BTBD7: variants seen among roughly 807,000 people sequenced by gnomAD.
The protein encoded by BTBD7 is BTB domain containing 7, also known as BTB/POZ domain-containing protein 7.
Under a neutral mutation model 99.9 loss-of-function variants are expected in BTBD7, and 38 were observed. The ratio of observed to expected loss-of-function variants is 0.38; its 90% CI spans 0.29 to 0.50. The LOEUF (loss-of-function observed/expected upper bound fraction) is 0.50, where lower values mean the gene tolerates loss of function less well. BTBD7 is among the 20% of genes least tolerant of loss of function. The pLI is 0.93. For missense variants in BTBD7, 1,170 were observed against 1,394.6 expected, an observed-to-expected ratio of 0.84 and a Z score of 2.57; for synonymous variants, 520 against 511.4, an observed-to-expected ratio of 1.02 and a Z score of -0.23.
Position 93,240,479 on chromosome 14 carries a change from C to G in BTBD7, c.*1794G>C, listed in dbSNP as rs2052212250. 1 of 152,604 alleles carries G rather than the reference C, an allele frequency of 6.6e-6. No individual in the cohort carries two copies. The highest frequency in any genetic ancestry group is 2.4e-5 in the African/African-American group (1 of 41,438). The allele number at this position is 152,604 out of a possible 1,614,324, so 9.5% of individuals were successfully genotyped here. ...TTCAAAGTGCATGTAATTCATTTAC[C>G]CGGTAGCTCATAAACGCTCCCTAGC... On this transcript the variant is annotated 3_prime_UTR_variant, in exon 11 of 11. Transcript: ENST00000334746.
chr14:93,324,118 T>C (rs2053300623), intron 1 of BTBD7, among the ~76,000 whole-genome samples: 1 of 152,170 alleles, frequency 6.6e-6, no homozygotes, highest in Non-Finnish European at 1.5e-5. Flanking sequence ...TAACTTGATC[T>C]TGAAAAATAA....
chr14:93,301,899 C>T (rs1034476666), intron 1 of BTBD7, among the ~76,000 whole-genome samples: 1 of 152,084 alleles, frequency 6.6e-6, no homozygotes. Context: ...TGCTAGAGCG[C>T]AAGGGAGACA....
intron 1 of BTBD7, among the ~76,000 whole-genome samples, chr14:93,314,986 C>T (rs2053181929): frequency 1.3e-5 from 2 of 152,136 alleles, no homozygotes; most frequent in Admixed American, 1.3e-4. Context: ...GGAAAATATT[C>T]ATACGGGCCT....
rs1318519150 is a variant in BTBD7 at position 93,325,141 on chromosome 14, T to G, written c.-107+7679A>C. The stretch of plus-strand genomic sequence containing the variant: ...TTTTTTTTTTTTTTTTGAGACAGAG[T>G]CTAGCTCTATCACCCAGGCTGAAGT... On this transcript the variant is annotated intron_variant, in intron 1 of 10. Coordinates refer to ENST00000334746, the MANE Select transcript of BTBD7 (RefSeq NM_001002860.4). Among the ~76,000 whole-genome samples the G allele has an allele frequency of 4.7e-5, 6 of 128,066 alleles. No homozygotes were observed. The Admixed American group carries it at 4.7e-4, about 10-fold the overall frequency. 84.0% of individuals were successfully genotyped at this position (128,066 alleles called of 152,430 possible). A position where few individuals can be genotyped will look rare whatever the true frequency, so the allele number is the denominator to read the frequency against.
chr14:93,317,957 G>A (rs2053226048), intron 1 of BTBD7, among the ~76,000 whole-genome samples: 1 of 152,212 alleles, frequency 6.6e-6, no homozygotes, highest in South Asian at 2.1e-4. Context: ...ACAAGTCAAT[G>A]CATCCTACGC....
In BTBD7 at chr14:93,294,018, G is replaced by A. The variant is rs752829578; in HGVS notation, c.1002C>T (p.Thr334=). 61 of 1,613,742 alleles carry A rather than the reference G, an allele frequency of 3.8e-5. No homozygotes were observed. The highest frequency in any genetic ancestry group is 1.1e-4 in the South Asian group (10 of 91,070). ...YATVILHCMY[T]DVVDLSVLHC... ...GCAAAACAGAGAGGTCCACCACGTC[G>A]GTATACATACAGTGTAATATCACTG... Residue 334 remains threonine (T), a synonymous_variant, in exon 3 of 11, where the codon ACC becomes ACT. Coordinates refer to ENST00000334746, the MANE Select transcript of BTBD7 (RefSeq NM_001002860.4).
Position 93,251,583 on chromosome 14 carries a change from C to T in BTBD7, c.1822G>A (p.Val608Met). The T allele has an allele frequency of 6.2e-7, 1 of 1,613,968 alleles. No homozygotes were observed. The highest frequency in any genetic ancestry group is 8.5e-7 in the Non-Finnish European group (1 of 1,179,888). Residue 608 changes from valine (V) to methionine (M), a missense_variant, in exon 8 of 11, where the codon GTG (valine) becomes ATG (methionine). Coordinates refer to ENST00000334746, the MANE Select transcript of BTBD7 (RefSeq NM_001002860.4). ...TTGACCATGTAGAGCGTGTCTGGCA[C>T]ATTGGACATTCTAACCATTCGCAAG... ...VRLRMVRMSN[V>M]PDTLYMVNNA...
intron 1 of BTBD7, among the ~76,000 whole-genome samples, chr14:93,312,120 G>A (rs1417394798): frequency 6.6e-6 from 1 of 152,098 alleles, no homozygotes; most frequent in African/African-American, 2.4e-5. Context: ...TATGAGCAAT[G>A]CTGAAATTAA....
chr14:93,269,477 T>A (rs867603724), intron 3 of BTBD7, among the ~76,000 whole-genome samples: 2 of 152,264 alleles, frequency 1.3e-5, no homozygotes, highest in Middle Eastern at 3.4e-3. Flanking sequence ...GGTGACAAAG[T>A]GATCCTAACA....
chr14:93,273,804 T>TTGGGAACTGAC (rs1284894721), intron 3 of BTBD7, among the ~76,000 whole-genome samples: 40 of 152,316 alleles, frequency 2.6e-4, no homozygotes, highest in Admixed American at 1.9e-3. Flanking sequence ...CACAGTCTGA[T>TTGGGAACTGAC]TGGGAAAATA....
rs950375522 is a variant in BTBD7, at chr14:93,240,099, G to C, written c.*2174C>G. ...TATGAGTCAAACTTCTTACAAATGA[G>C]AACAGAGGCCTATGCTTTTCTCTTT... On this transcript the variant is annotated 3_prime_UTR_variant, in exon 11 of 11. Coordinates refer to ENST00000334746, the MANE Select transcript of BTBD7 (RefSeq NM_001002860.4). 6.6e-6 allele frequency: 1 copy of C among 152,170 alleles called. No individual in the cohort carries two copies. Among genetic ancestry groups the C allele is most frequent in the Non-Finnish European group, 1.5e-5 (1 of 68,026 alleles). The allele number at this position is 152,170 out of a possible 1,614,324, so 9.4% of individuals were successfully genotyped here.
chr14:93,329,966 T>C (rs2053382317), intron 1 of BTBD7, among the ~76,000 whole-genome samples: 1 of 152,198 alleles, frequency 6.6e-6, no homozygotes, highest in African/African-American at 2.4e-5. Context: ...TGTATGTGGA[T>C]TTTACCACAA....
rs756799672 is a variant in BTBD7 at position 93,245,997 on chromosome 14, G to T, written c.2411C>A (p.Ser804Tyr). Residue 804 changes from serine to tyrosine, a missense_variant, in exon 10 of 11, where the codon TCC (serine) becomes TAC (tyrosine). Physicochemically the swap from Ser to Tyr is moderately radical, Grantham distance 144. This residue lies in a region of BTBD7 where 495 missense variants were observed against 525.9 expected (regional missense o/e 0.94). Coordinates refer to ENST00000334746, the MANE Select transcript of BTBD7 (RefSeq NM_001002860.4). Reference protein sequence around the residue: ...SYPCNHSLFHSRTAPKAGPPP... With the variant: ...SYPCNHSLFHYRTAPKAGPPP... ...AGGGCCAGCTTTAGGAGCTGTTCTG[G>T]AGTGGAACAGCGAATGATTACAGGG... 1.9e-6 allele frequency: 3 copies of T among 1,614,118 alleles called. No homozygotes were observed. Among genetic ancestry groups the T allele is most frequent in the Non-Finnish European group, 2.5e-6 (3 of 1,180,040 alleles).
At chr14:93,306,590 T>G (rs897573384) in intron 1 of BTBD7, among the ~76,000 whole-genome samples, 3 of 152,176 alleles carry the variant, frequency 2.0e-5, no homozygotes, top group African/African-American at 7.2e-5. Flanking sequence ...TCTCCCAAGA[T>G]AATTCATTTA....
At chr14:93,277,856 A>G (rs1466237147) in intron 3 of BTBD7, among the ~76,000 whole-genome samples, 2 of 152,174 alleles carry the variant, frequency 1.3e-5, no homozygotes, top group African/African-American at 4.8e-5. Flanking sequence ...TATAATGAGA[A>G]CAGAAACAGT....
intron 3 of BTBD7, among the ~76,000 whole-genome samples, chr14:93,275,706 T>C (rs1327097272): frequency 6.6e-6 from 1 of 152,164 alleles, no homozygotes; most frequent in Non-Finnish European, 1.5e-5. Context: ...ATCTGTACAG[T>C]GTGTCACTGT....
chr14:93,273,895 G>A (rs2052626677), intron 3 of BTBD7, among the ~76,000 whole-genome samples: 1 of 152,146 alleles, frequency 6.6e-6, no homozygotes, highest in African/African-American at 2.4e-5. Context: ...GGTCCTGAAG[G>A]TACACTCGTA....
intron 9 of BTBD7, among the ~76,000 whole-genome samples, chr14:93,246,777 A>G (rs1392509712): frequency 6.6e-6 from 1 of 152,270 alleles, no homozygotes. Flanking sequence ...TTATAAAAGA[A>G]TATGTCATGC....
intron 3 of BTBD7, among the ~76,000 whole-genome samples, chr14:93,272,466 C>G (rs1490460965): frequency 1.3e-5 from 2 of 152,156 alleles, no homozygotes; most frequent in African/African-American, 2.4e-5. Context: ...ATGTGTCCTA[C>G]AGATTTGTCC....
Sources: gnomAD v4.1 joint callset for allele counts (sites outside exome capture counted in the v4.1 genomes callset) on GRCh38, gnomAD v4.1.1 for gene constraint, gnomAD v4.1.1 regional missense constraint, MANE v1.5 for transcripts, NCBI Gene and HGNC (gene_info 2026-07-23, HGNC 2026-07-21) for gene names.